The following LRRC7 variants were observed in gnomAD, a reference collection of about 807,000 sequenced individuals.
LRRC7 encodes the protein leucine rich repeat containing 7.
A neutral mutation model predicts 175.7 loss-of-function variants in LRRC7; 23 were observed. The observed-to-expected ratio is 0.13, with a 90% CI of 0.09 to 0.19. The LOEUF is 0.19. Ranked by LOEUF, LRRC7 falls within the 10% of genes least tolerant of loss-of-function variation. The probability of loss-of-function intolerance (pLI) is 1.00; values close to 1 mark genes in which losing one functional copy is unlikely to be tolerated. For synonymous variants in LRRC7, 685 were observed against 680.9 expected (o/e 1.01, Z -0.09); for missense variants, 1,354 against 1,904.7 (o/e 0.71, Z 5.38).
chr1:69,879,253 G>C (rs961302457), intron 7 of LRRC7, among the ~76,000 whole-genome samples: 10 of 131,078 alleles, frequency 7.6e-5, no homozygotes, highest in African/African-American at 2.7e-4. Context: ...GCACTGGCCA[G>C]AATATGCCTG....
intron 8 of LRRC7, among the ~76,000 whole-genome samples, chr1:69,943,802 C>T (rs1174590936): frequency 6.6e-6 from 1 of 151,776 alleles, no homozygotes; most frequent in Non-Finnish European, 1.5e-5. Context: ...GTTGACAGAT[C>T]AGATATCAGG....
intron 1 of LRRC7, among the ~76,000 whole-genome samples, chr1:69,639,571 C>T (rs1015150904): frequency 1.3e-5 from 2 of 151,770 alleles, no homozygotes; most frequent in Non-Finnish European, 3.0e-5. Context: ...TGTATAAGGA[C>T]ATCTTTAAAG....
intron 22 of LRRC7, among the ~76,000 whole-genome samples, chr1:70,051,245 G>T (rs1181662106): frequency 6.6e-6 from 1 of 151,942 alleles, no homozygotes; most frequent in African/African-American, 2.4e-5. Flanking sequence ...ATGTTAAATT[G>T]TGGCCACTTC....
At chr1:69,864,680 T>C (rs752866922) in intron 7 of LRRC7, among the ~76,000 whole-genome samples, 1 of 152,174 alleles carries the variant, frequency 6.6e-6, no homozygotes, top group Non-Finnish European at 1.5e-5. Context: ...ACACACTGAT[T>C]AAAACAAAGA....
At chr1:69,851,389 G>A (rs768115125) in intron 7 of LRRC7, among the ~76,000 whole-genome samples, 7 of 152,084 alleles carry the variant, frequency 4.6e-5, no homozygotes, top group African/African-American at 7.2e-5. Flanking sequence ...GATCTTAGTG[G>A]AGCATACTAG....
At chr1:69,625,383 G>T (rs1160238489) in intron 1 of LRRC7, among the ~76,000 whole-genome samples, 2 of 148,152 alleles carry the variant, frequency 1.3e-5, no homozygotes, top group African/African-American at 4.9e-5. Context: ...TCAGTCTTAG[G>T]ATCTTTATCA....
chr1:70,052,393 T>G (rs181913490), intron 22 of LRRC7, among the ~76,000 whole-genome samples: 31 of 152,090 alleles, frequency 2.0e-4, no homozygotes, highest in Admixed American at 1.8e-3. Context: ...TATAAATAAA[T>G]AAATTTGGTA....
At chr1:69,823,354 A>G (rs1471773794) in intron 4 of LRRC7, among the ~76,000 whole-genome samples, 1 of 152,118 alleles carries the variant, frequency 6.6e-6, no homozygotes, top group African/African-American at 2.4e-5. Flanking sequence ...TTTCTAGAAG[A>G]CTTCTTCACA....
chr1:70,048,215 A>G (rs1045373496), intron 22 of LRRC7, among the ~76,000 whole-genome samples: 1 of 152,132 alleles, frequency 6.6e-6, no homozygotes, highest in Non-Finnish European at 1.5e-5. Context: ...ATGGATAGAT[A>G]TTTCCACTGG....
At chr1:69,605,383 G>A (rs897244544) in intron 1 of LRRC7, among the ~76,000 whole-genome samples, 11 of 152,224 alleles carry the variant, frequency 7.2e-5, no homozygotes, top group African/African-American at 2.6e-4. Flanking sequence ...ATCTTTATTA[G>A]CAGCATGAGA....
At chr1:69,645,123 A>T (rs537387874) in intron 1 of LRRC7, among the ~76,000 whole-genome samples, 1 of 151,722 alleles carries the variant, frequency 6.6e-6, no homozygotes, top group African/African-American at 2.4e-5. Flanking sequence ...ATGGTAGTAC[A>T]GTAAGAAAAG....
chr1:69,601,466 T>C (rs543769058), intron 1 of LRRC7, among the ~76,000 whole-genome samples: 22 of 152,310 alleles, frequency 1.4e-4, no homozygotes, highest in Non-Finnish European at 2.8e-4. Context: ...CAAATATATA[T>C]GTATAATAGT....
chr1:69,716,937 G>A (rs1665419275), intron 2 of LRRC7, among the ~76,000 whole-genome samples: 1 of 151,654 alleles, frequency 6.6e-6, no homozygotes, highest in African/African-American at 2.4e-5. Flanking sequence ...CTCGAAAATT[G>A]TAATAAAATC....
At chr1:69,999,526 G>A (rs1004500143) in intron 11 of LRRC7, among the ~76,000 whole-genome samples, 1 of 152,160 alleles carries the variant, frequency 6.6e-6, no homozygotes, top group Non-Finnish European at 1.5e-5. Flanking sequence ...TAGGGAAGTA[G>A]GGAGAAATCA....
chr1:70,102,800 T>G (rs979884153), intron 25 of LRRC7, among the ~76,000 whole-genome samples: 5 of 152,218 alleles, frequency 3.3e-5, no homozygotes, highest in African/African-American at 1.2e-4. Flanking sequence ...CCCATTGTAC[T>G]GATGAGGAAA....
chr1:70,106,712 T>C (rs1665170810), intron 25 of LRRC7, among the ~76,000 whole-genome samples: 1 of 152,114 alleles, frequency 6.6e-6, no homozygotes, highest in Admixed American at 6.6e-5. Context: ...CTACCACCCT[T>C]CCATCAGCAC....
In LRRC7 at chr1:70,118,349, A is replaced by G. The variant is rs146664889; in HGVS notation, c.4621-3431A>G. 5.3e-5 allele frequency among the ~76,000 whole-genome samples: 8 copies of G among 152,264 alleles called. No individual in the cohort carries two copies. In the East Asian group the frequency reaches 5.8e-4, roughly 11 times the overall value. On this transcript the variant is annotated intron_variant, in intron 26 of 26. Transcript: ENST00000651989. Reference sequence around the variant, plus strand: ...CTATTATCTCCTTCCACTCAAAAAAAAAAAATGGAGATTCAGCATTTCTGT... The same window carrying G: ...CTATTATCTCCTTCCACTCAAAAAAGAAAAATGGAGATTCAGCATTTCTGT...
intron 23 of LRRC7, among the ~76,000 whole-genome samples, chr1:70,068,770 G>A (rs1275445542): frequency 1.3e-5 from 2 of 152,002 alleles, no homozygotes; most frequent in Non-Finnish European, 2.9e-5. Context: ...AGGCAGGATT[G>A]CAGTAGTACA....
chr1:69,936,605 G>A (rs563047846), intron 8 of LRRC7, among the ~76,000 whole-genome samples: 1 of 152,182 alleles, frequency 6.6e-6, no homozygotes, highest in African/African-American at 2.4e-5. Context: ...TGCATGTGCA[G>A]GTTTGTTACA....
Sources: allele counts gnomAD v4.1 joint callset (sites outside exome capture counted in the v4.1 genomes callset), GRCh38; gene constraint gnomAD v4.1.1; transcripts MANE v1.5; gene names NCBI Gene and HGNC (gene_info 2026-07-23, HGNC 2026-07-21).